PALS1: variants seen among roughly 807,000 people sequenced by gnomAD.
PALS1 encodes protein associated with LIN7 1, MAGUK p55 family member.
PALS1 carries 31 observed loss-of-function variants against 78.9 expected under a neutral mutation model. That is an observed-to-expected ratio of 0.39 (90% CI 0.30 to 0.53). The LOEUF (loss-of-function observed/expected upper bound fraction) is 0.53. Ranked by LOEUF, PALS1 falls within the 20% of genes least tolerant of loss-of-function variation. The probability of loss-of-function intolerance (pLI) is 0.67; values close to 1 mark genes in which losing one functional copy is unlikely to be tolerated. For missense variants in PALS1, 704 were observed against 826.5 expected, an observed-to-expected ratio of 0.85 and a Z score of 1.82; for synonymous variants, 276 against 270.9, an observed-to-expected ratio of 1.02 and a Z score of -0.18.
intron 1 of PALS1, among the ~76,000 whole-genome samples, chr14:67,268,221 TA>T (rs1306872570): frequency 6.6e-6 from 1 of 152,238 alleles, no homozygotes. Context: ...CTCCAGTGCT[TA>T]ATATTGTCAC....
chr14:67,321,028 G>C (rs2085255203), intron 12 of PALS1, 29 bp from the exon 13 acceptor site: 3 of 1,603,992 alleles, frequency 1.9e-6, no homozygotes, highest in Non-Finnish European at 2.6e-6. Flanking sequence ...AGCCATGCCT[G>C]TTATTTCTAT....
chr14:67,315,416 A>G (rs1448437894), intron 9 of PALS1, among the ~76,000 whole-genome samples: 1 of 151,444 alleles, frequency 6.6e-6, no homozygotes, highest in Non-Finnish European at 1.5e-5. Context: ...AGCTGGGACT[A>G]CAGGTGCCCA....
At chr14:67,255,134 C>A (rs1209729956) in intron 1 of PALS1, among the ~76,000 whole-genome samples, 1 of 151,498 alleles carries the variant, frequency 6.6e-6, no homozygotes, top group African/African-American at 2.4e-5. Context: ...GGCAACAGAG[C>A]GAGACTCCAT....
In PALS1 at chr14:67,302,468, G is replaced by C. The variant is rs760254236; in HGVS notation, c.860G>C (p.Gly287Ala). 1 of 1,599,552 alleles carries C rather than the reference G, an allele frequency of 6.3e-7. No homozygotes were observed. Among genetic ancestry groups the C allele is most frequent in the Non-Finnish European group, 8.5e-7 (1 of 1,172,790 alleles). The change falls in exon 7 of 15, where the codon GGT (glycine) becomes GCT (alanine). Residue 287 changes from glycine to alanine, a missense_variant. Coordinates refer to ENST00000261681, the MANE Select transcript of PALS1 (RefSeq NM_022474.4). The part of the protein sequence containing the change: ...SVIISRIVKG[G>A]AAEKSGLLHE... ...ATCATTAGCCGGATAGTAAAAGGGG[G>C]TGCTGCAGAGAAAAGTGGTCTGTTG...
chr14:67,292,866 A>G, intron 4 of PALS1, 147 bp downstream of exon 4: 1 of 587,622 alleles, frequency 1.7e-6, no homozygotes, highest in South Asian at 4.4e-5. Flanking sequence ...GTGACAGTTT[A>G]CTACATGCAT....
chr14:67,313,683 G>A (rs1001080360), intron 9 of PALS1, among the ~76,000 whole-genome samples: 5 of 152,076 alleles, frequency 3.3e-5, no homozygotes, highest in Non-Finnish European at 5.9e-5. Flanking sequence ...AATAAATGCT[G>A]TTATGTCTGC....
intron 14 of PALS1, among the ~76,000 whole-genome samples, chr14:67,324,417 TCTTC>T (rs1349395290): frequency 2.6e-5 from 4 of 152,172 alleles, no homozygotes; most frequent in East Asian, 1.9e-4. Context: ...AGTAACATGT[TCTTC>T]CTTGTTTTTT....
At chr14:67,273,085 C>G (rs1240448388) in intron 2 of PALS1, among the ~76,000 whole-genome samples, 1 of 151,592 alleles carries the variant, frequency 6.6e-6, no homozygotes, top group Non-Finnish European at 1.5e-5. Context: ...TTCAGTCAGC[C>G]CTCTATGCTT....
At chr14:67,302,602 T>C (rs372934203) in intron 7 of PALS1, 31 bp downstream of exon 7, 61 of 1,417,676 alleles carry the variant, frequency 4.3e-5, no homozygotes, top group Non-Finnish European at 5.6e-5. Flanking sequence ...GAATAATTGA[T>C]AGCTTTTAGA....
chr14:67,286,823 C>CTCCA (rs2084695895), intron 3 of PALS1, among the ~76,000 whole-genome samples: 1 of 143,526 alleles, frequency 7.0e-6, no homozygotes, highest in South Asian at 2.2e-4. Flanking sequence ...CGCCACTGCA[C>CTCCA]TCCAGCGTGG....
chr14:67,328,405 G>C (rs1250368752), intron 14 of PALS1, among the ~76,000 whole-genome samples: 1 of 152,184 alleles, frequency 6.6e-6, no homozygotes. Flanking sequence ...TGGGTAGATG[G>C]TAAAAATTTT....
intron 4 of PALS1, among the ~76,000 whole-genome samples, chr14:67,293,745 C>T (rs2084805797): frequency 6.6e-6 from 1 of 151,908 alleles, no homozygotes; most frequent in Non-Finnish European, 1.5e-5. Flanking sequence ...TATTTGAGAA[C>T]ACACAGGCAA....
At chr14:67,317,054 A>C in intron 10 of PALS1, 151 bp downstream of exon 10, 1 of 623,816 alleles carries the variant, frequency 1.6e-6, no homozygotes, top group Admixed American at 3.2e-5. Context: ...TAAAGAAAGG[A>C]TAAGATTTAA....
At chr14:67,248,568 A>G (rs181010007) in intron 1 of PALS1, among the ~76,000 whole-genome samples, 113 of 152,294 alleles carry the variant, frequency 7.4e-4, no homozygotes, top group African/African-American at 2.6e-3. Context: ...AATAGTCTCA[A>G]ACACCCTCAA....
intron 4 of PALS1, among the ~76,000 whole-genome samples, chr14:67,300,712 T>G (rs1200182878): frequency 6.6e-6 from 1 of 152,094 alleles, no homozygotes; most frequent in Non-Finnish European, 1.5e-5. Context: ...CTAAAAAAAT[T>G]TATAACCAAG....
Position 67,302,098 on chromosome 14 carries a change from A to G in PALS1, c.781A>G (p.Lys261Glu). Reference sequence around the variant, plus strand: ...AACTGTAAAAATAGTTCGTATAGAAAAGGCTCGTGATATTCCGTTGGTAAG... The same window carrying G: ...AACTGTAAAAATAGTTCGTATAGAAGAGGCTCGTGATATTCCGTTGGTAAG... ...GETVKIVRIEKARDIPLGATV... is the reference protein window; with the variant it reads ...GETVKIVRIEEARDIPLGATV... The change falls in exon 6 of 15, where the codon AAG becomes GAG. Residue 261 changes from lysine (K) to glutamate (E), a missense_variant. Transcript: ENST00000261681. 6.2e-7 allele frequency: 1 copy of G among 1,605,130 alleles called. No homozygotes were observed. Among genetic ancestry groups the G allele is most frequent in the Non-Finnish European group, 8.5e-7 (1 of 1,176,154 alleles).
Position 67,335,737 on chromosome 14 carries a change from C to T in PALS1, c.*2781C>T, listed in dbSNP as rs2085521551. 1 of 149,594 alleles carries T rather than the reference C, an allele frequency of 6.7e-6. No homozygotes were observed. The highest frequency in any genetic ancestry group is 2.1e-4 in the South Asian group (1 of 4,788). 9.3% of individuals were successfully genotyped at this position (149,594 alleles called of 1,614,324 possible). On this transcript the variant is annotated 3_prime_UTR_variant, in exon 15 of 15. Coordinates refer to ENST00000261681, the MANE Select transcript of PALS1 (RefSeq NM_022474.4). ...CCCCCTTTGTACTCTTTTCCTGTATCTGCACTGTTATTTTGAGATGTCATA... is the reference window on the plus strand; with the variant it reads ...CCCCCTTTGTACTCTTTTCCTGTATTTGCACTGTTATTTTGAGATGTCATA...
chr14:67,264,456 G>A (rs891060856), intron 1 of PALS1, among the ~76,000 whole-genome samples: 16 of 144,354 alleles, frequency 1.1e-4, no homozygotes, highest in Non-Finnish European at 7.4e-5. Flanking sequence ...CCAGACCCAT[G>A]TTGTGTTATT....
intron 8 of PALS1, 35 bp from the exon 9 acceptor site, chr14:67,312,492 C>T: frequency 3.5e-6 from 5 of 1,423,254 alleles, no homozygotes; most frequent in African/African-American, 1.4e-5. Flanking sequence ...TTTATATTGC[C>T]ATTTATTGTT....
Sources: gnomAD v4.1 joint callset for allele counts (sites outside exome capture counted in the v4.1 genomes callset) on GRCh38, gnomAD v4.1.1 for gene constraint, MANE v1.5 for transcripts, NCBI Gene and HGNC (gene_info 2026-07-23, HGNC 2026-07-21) for gene names.